The following GRK4 variants were observed in gnomAD, a reference collection of about 807,000 sequenced individuals.
The protein encoded by GRK4 is G protein-coupled receptor kinase 2-like.
In GRK4, 73 loss-of-function variants were observed where a neutral mutation model predicts 77.9. The observed-to-expected ratio is 0.94, with a 90% CI of 0.78 to 1.14. The LOEUF (loss-of-function observed/expected upper bound fraction) is 1.14. GRK4 is among the 50% of genes most tolerant of loss of function. The probability of loss-of-function intolerance (pLI) is 0.00; values close to 1 mark genes in which losing one functional copy is unlikely to be tolerated. For missense variants in GRK4, 729 were observed against 700.2 expected (o/e 1.04, Z -0.46); for synonymous variants, 257 against 254.4 (o/e 1.01, Z -0.10).
intron 10 of GRK4, among the ~76,000 whole-genome samples, chr4:3,026,852 C>G (rs1278919655): frequency 6.6e-6 from 1 of 152,206 alleles, no homozygotes; most frequent in African/African-American, 2.4e-5. Flanking sequence ...GAGGGCATGT[C>G]GCATATTTTT....
At chr4:3,039,092 T>C (rs1741673983) in intron 15 of GRK4, among the ~76,000 whole-genome samples, 1 of 152,152 alleles carries the variant, frequency 6.6e-6, no homozygotes, top group Admixed American at 6.5e-5. Flanking sequence ...GGCACATGCC[T>C]GTAGTCCCAG....
At position 3,037,825 on chromosome 4, in the gene GRK4, G is replaced by T. The variant is rs1741214810; in HGVS notation, c.1545+314G>T. ...AGCTAGTAGGGATGCTGAGGCAGGA[G>T]AATCGCTTGAACCTGGGAGGCAGAA... On this transcript the variant is annotated intron_variant, in intron 14 of 15. Coordinates refer to ENST00000398052, the MANE Select transcript of GRK4 (RefSeq NM_182982.3). 2.6e-5 allele frequency among the ~76,000 whole-genome samples: 4 copies of T among 151,308 alleles called. No individual in the cohort carries two copies. In the South Asian group the frequency reaches 8.3e-4, roughly 31 times the overall value.
chr4:2,987,974 G>T (rs938031748), intron 2 of GRK4, among the ~76,000 whole-genome samples: 2 of 150,716 alleles, frequency 1.3e-5, no homozygotes, highest in East Asian at 3.9e-4. Context: ...TACTCAGGAG[G>T]CTGAGGCATG....
intron 6 of GRK4, among the ~76,000 whole-genome samples, chr4:3,008,802 C>CA (rs61512480): frequency 0.051 from 5,340 of 104,854 alleles, 240 homozygotes; most frequent in African/African-American, 0.14. Context: ...GACTCTGTCT[C>CA]AAAAAAAAAA....
At chr4:3,038,536 A>G (rs770933308) in intron 15 of GRK4, 23 bp downstream of exon 15, 2 of 1,584,120 alleles carry the variant, frequency 1.3e-6, no homozygotes, top group East Asian at 2.2e-5. Flanking sequence ...AAAAACTAAT[A>G]TATGTGTGTG....
At chr4:2,988,564 ACTGT>A (rs1244707907) in intron 2 of GRK4, among the ~76,000 whole-genome samples, 159 bp from the exon 3 acceptor site, 2 of 151,160 alleles carry the variant, frequency 1.3e-5, no homozygotes, top group Non-Finnish European at 2.9e-5. Flanking sequence ...GAGGAGGGAG[ACTGT>A]CTGAAACAAA....
intron 8 of GRK4, among the ~76,000 whole-genome samples, chr4:3,016,537 A>C (rs1428543610): frequency 1.9e-3 from 278 of 143,766 alleles, no homozygotes; most frequent in Middle Eastern, 7.2e-3. Flanking sequence ...ATCTCCAAAA[A>C]AAAAAAAAAA....
intron 7 of GRK4, among the ~76,000 whole-genome samples, chr4:3,010,871 T>C (rs1440768254): frequency 6.6e-6 from 1 of 152,208 alleles, no homozygotes; most frequent in Admixed American, 6.5e-5. Context: ...ATATCTGTTA[T>C]GCACCTGCAG....
At chr4:3,015,452 G>C (rs922062128) in intron 8 of GRK4, among the ~76,000 whole-genome samples, 1 of 151,734 alleles carries the variant, frequency 6.6e-6, no homozygotes, top group Non-Finnish European at 1.5e-5. Flanking sequence ...TTGGGAGGCC[G>C]AGGCAGGCGT....
At chr4:3,033,679 C>T (rs1435041765) in intron 12 of GRK4, among the ~76,000 whole-genome samples, 1 of 152,176 alleles carries the variant, frequency 6.6e-6, no homozygotes, top group Non-Finnish European at 1.5e-5. Context: ...ATCTGCCTCC[C>T]GGGTTCAAGG....
intron 1 of GRK4, among the ~76,000 whole-genome samples, chr4:2,976,576 G>A (rs886433532): frequency 2.7e-5 from 4 of 149,250 alleles, no homozygotes; most frequent in African/African-American, 9.9e-5. Flanking sequence ...TGTGCCAGTA[G>A]TTGCACCCAC....
At chr4:3,029,974 A>C (rs545879073) in intron 12 of GRK4, among the ~76,000 whole-genome samples, 1 of 152,358 alleles carries the variant, frequency 6.6e-6, no homozygotes, top group East Asian at 1.9e-4. Flanking sequence ...CTGAAAGGGA[A>C]GAGTGGTACC....
intron 3 of GRK4, among the ~76,000 whole-genome samples, chr4:2,991,805 C>G (rs1726261774): frequency 6.6e-6 from 1 of 152,212 alleles, no homozygotes; most frequent in African/African-American, 2.4e-5. Context: ...AGCCACTGCT[C>G]CCGGCCCTGA....
At chr4:2,964,906 A>G (rs1717029741) in intron 1 of GRK4, among the ~76,000 whole-genome samples, 1 of 152,136 alleles carries the variant, frequency 6.6e-6, no homozygotes, top group Non-Finnish European at 1.5e-5. Context: ...ATCCAAAGGA[A>G]TAGGCTCCAG....
chr4:2,992,227 G>C lies in GRK4; in HGVS notation c.274G>C (p.Val92Leu). ...EFLDAVAEYE[V>L]ADDEDRSDCG... ...TCTCTCCAATCAGGCAGAATATGAAGTTGCCGATGATGAGGACCGAAGTGA... is the reference window on the plus strand; with the variant it reads ...TCTCTCCAATCAGGCAGAATATGAACTTGCCGATGATGAGGACCGAAGTGA... The change falls in exon 4 of 16, where the codon GTT becomes CTT. Residue 92 changes from valine to leucine, a missense_variant. Coordinates refer to ENST00000398052, the MANE Select transcript of GRK4 (RefSeq NM_182982.3). 1 of 1,608,976 alleles carries C rather than the reference G, an allele frequency of 6.2e-7. No individual in the cohort carries two copies. The highest frequency in any genetic ancestry group is 8.5e-7 in the Non-Finnish European group (1 of 1,175,614).
intron 12 of GRK4, 25 bp downstream of exon 12, chr4:3,029,434 G>C: frequency 1.3e-6 from 2 of 1,577,298 alleles, no homozygotes; most frequent in South Asian, 2.2e-5. Flanking sequence ...GTAGAGGCTG[G>C]GAAATGGCAC....
chr4:2,985,030 A>G (rs1460468340), intron 2 of GRK4, among the ~76,000 whole-genome samples: 2 of 152,142 alleles, frequency 1.3e-5, no homozygotes, highest in Admixed American at 6.5e-5. Flanking sequence ...TCCTCTCCCC[A>G]TGACCGAGCC....
chr4:3,038,637 G>C, intron 15 of GRK4, 124 bp downstream of exon 15: 1 of 1,019,502 alleles, frequency 9.8e-7, no homozygotes, highest in South Asian at 1.7e-5. Flanking sequence ...GTTTTATACA[G>C]TCTGAGAGCC....
At chr4:3,008,821 G>A (rs1732061745) in intron 6 of GRK4, among the ~76,000 whole-genome samples, 4 of 151,204 alleles carry the variant, frequency 2.6e-5, no homozygotes, top group Admixed American at 1.3e-4. Flanking sequence ...AAAAAAAAGT[G>A]TTAGCTGCTA....
Sources: gnomAD v4.1 joint callset for allele counts (sites outside exome capture counted in the v4.1 genomes callset) on GRCh38, gnomAD v4.1.1 for gene constraint, MANE v1.5 for transcripts, NCBI Gene and HGNC (gene_info 2026-07-23, HGNC 2026-07-21) for gene names.